Variants in FBXO34 observed in about 807,000 individuals in gnomAD.
The protein encoded by FBXO34 is F-box only protein 34.
A neutral mutation model predicts 24.5 loss-of-function variants in FBXO34; 12 were observed. The observed-to-expected ratio is 0.49, with a 90% CI of 0.31 to 0.79. FBXO34 has a LOEUF of 0.79. FBXO34 is among the 30% of genes least tolerant of loss of function. The pLI is 0.04. For missense variants in FBXO34, 823 were observed against 857.7 expected (o/e 0.96, Z 0.51); for synonymous variants, 320 against 311.9 (o/e 1.03, Z -0.27).
the FBXO34 span, among the ~76,000 whole-genome samples, chr14:55,442,654 A>T: frequency 1.3e-5 from 2 of 152,204 alleles, no homozygotes; most frequent in East Asian, 3.8e-4. Flanking sequence ...TTTTGATGAG[A>T]TTGGAATTTC....
the FBXO34 span, among the ~76,000 whole-genome samples, chr14:55,400,539 T>C: frequency 6.6e-6 from 1 of 152,184 alleles, no homozygotes; most frequent in African/African-American, 2.4e-5. Context: ...CTATGATCAG[T>C]AACGATACAA....
At chr14:55,428,795 TAACCGTC>T in the FBXO34 span, 1 of 1,611,356 alleles carries the variant, frequency 6.2e-7, no homozygotes, top group African/African-American at 1.3e-5. Flanking sequence ...TCAAGCTATA[TAACCGTC>T]ATACCTACTG....
intron 1 of FBXO34, among the ~76,000 whole-genome samples, chr14:55,277,414 G>C (rs1161750538): frequency 1.3e-5 from 2 of 152,106 alleles, no homozygotes; most frequent in Non-Finnish European, 2.9e-5. Flanking sequence ...TTGAGCTCCT[G>C]GGCTCAAGCC....
At chr14:55,415,585 C>T in the FBXO34 span, among the ~76,000 whole-genome samples, 2 of 152,106 alleles carry the variant, frequency 1.3e-5, no homozygotes, top group South Asian at 2.1e-4. Flanking sequence ...ATAGTGTAGG[C>T]GGGGCGTGGT....
the FBXO34 span, among the ~76,000 whole-genome samples, chr14:55,417,453 T>TAA: frequency 4.1e-3 from 379 of 91,332 alleles, 13 homozygotes; most frequent in African/African-American, 0.017. Context: ...ACCCTTGCCT[T>TAA]AAAAAAAAAA....
downstream of FBXO34, chr14:55,369,540 T>TAAAC: frequency 1.5e-6 from 2 of 1,308,890 alleles, no homozygotes; most frequent in East Asian, 2.4e-5. Context: ...TATCTTAACT[T>TAAAC]AAACAGAAAA....
chr14:55,437,857 A>G, the FBXO34 span, among the ~76,000 whole-genome samples: 3 of 152,354 alleles, frequency 2.0e-5, no homozygotes, highest in African/African-American at 7.2e-5. Context: ...GAATTCTTGT[A>G]ATGTTCTAGT....
intron 1 of FBXO34, chr14:55,285,551 C>CT (rs1273866902): frequency 2.6e-5 from 4 of 151,488 alleles, no homozygotes; most frequent in Admixed American, 2.6e-4. Flanking sequence ...TAGTGAGACT[C>CT]TGTCTCTTTA....
At chr14:55,391,024 G>A in the FBXO34 span, 8 of 1,497,188 alleles carry the variant, frequency 5.3e-6, no homozygotes, top group South Asian at 3.5e-5. Context: ...TATCACAAAC[G>A]TTGGTCTCTT....
intron 1 of FBXO34, among the ~76,000 whole-genome samples, chr14:55,284,445 G>A (rs1293174388): frequency 6.7e-6 from 1 of 149,934 alleles, no homozygotes; most frequent in Non-Finnish European, 1.5e-5. Context: ...CTCGGAGGTG[G>A]AGGTTGCAGT....
At chr14:55,404,695 C>T in the FBXO34 span, among the ~76,000 whole-genome samples, 1 of 152,130 alleles carries the variant, frequency 6.6e-6, no homozygotes, top group East Asian at 1.9e-4. Context: ...TTAATCCCAG[C>T]CCTTGGTTCA....
rs1048360305 is a variant in FBXO34, at chr14:55,299,066, A to C, written c.-11+27529A>C. 23 of 1,542,320 alleles carry C rather than the reference A, an allele frequency of 1.5e-5. No individual in the cohort carries two copies. The African/African-American group carries it at 2.9e-4, about 19-fold the overall frequency. On this transcript the variant is annotated intron_variant, in intron 1 of 1. Coordinates refer to ENST00000313833, the MANE Select transcript of FBXO34 (RefSeq NM_017943.4). ...TTTCAACAGCAATTTCGAAACCTGT[A>C]GGGTTTGGAGAAAAGTCTGACGAGG...
intron 1 of FBXO34, among the ~76,000 whole-genome samples, chr14:55,331,611 T>TA (rs1464883738): frequency 7.3e-6 from 1 of 136,676 alleles, no homozygotes; most frequent in Non-Finnish European, 1.6e-5. Flanking sequence ...TAAAAAAATA[T>TA]AAAATATATA....
chr14:55,297,943 A>G (rs1882197559), intron 1 of FBXO34, among the ~76,000 whole-genome samples: 1 of 152,210 alleles, frequency 6.6e-6, no homozygotes, highest in South Asian at 2.1e-4. Context: ...CACTTCTTGG[A>G]CTTGAGAAAT....
intron 1 of FBXO34, among the ~76,000 whole-genome samples, chr14:55,287,310 G>A (rs941061963): frequency 6.6e-6 from 1 of 152,182 alleles, no homozygotes; most frequent in Non-Finnish European, 1.5e-5. Flanking sequence ...TAGCAAAGGT[G>A]TCACAATCTT....
intron 1 of FBXO34, among the ~76,000 whole-genome samples, chr14:55,279,691 T>G (rs965384504): frequency 6.6e-6 from 1 of 152,222 alleles, no homozygotes; most frequent in Non-Finnish European, 1.5e-5. Flanking sequence ...TTGTCATTTC[T>G]GAATGAACCA....
At chr14:55,415,007 A>G in the FBXO34 span, among the ~76,000 whole-genome samples, 1 of 152,188 alleles carries the variant, frequency 6.6e-6, no homozygotes, top group Non-Finnish European at 1.5e-5. Context: ...AGAAATTGTA[A>G]ATCATAACTG....
chr14:55,283,555 C>G (rs559604933), intron 1 of FBXO34, among the ~76,000 whole-genome samples: 9 of 151,690 alleles, frequency 5.9e-5, no homozygotes, highest in Non-Finnish European at 8.8e-5. Flanking sequence ...ACCTCCACCC[C>G]CTGGGTTCAA....
the FBXO34 span, among the ~76,000 whole-genome samples, chr14:55,434,004 T>C: frequency 6.6e-6 from 1 of 152,242 alleles, no homozygotes; most frequent in Non-Finnish European, 1.5e-5. Flanking sequence ...TATCCTCATT[T>C]AGTGCTCAGG....
Sources: allele counts gnomAD v4.1 joint callset (sites outside exome capture counted in the v4.1 genomes callset), GRCh38; gene constraint gnomAD v4.1.1; transcripts MANE v1.5; gene names NCBI Gene and HGNC (gene_info 2026-07-23, HGNC 2026-07-21).